JAK1: variants seen among roughly 807,000 people sequenced by gnomAD.
JAK1 encodes the protein Janus kinase 1.
JAK1 carries 16 observed loss-of-function variants against 136.6 expected under a neutral mutation model. The observed-to-expected ratio is 0.12, with a 90% CI of 0.08 to 0.18. The LOEUF is 0.18. Among genes scored for constraint, JAK1 ranks in the 10% least tolerant of loss-of-function variants. The pLI, the probability that JAK1 is intolerant of heterozygous loss-of-function variation, is 1.00. For synonymous variants in JAK1, 492 were observed against 519.5 expected (o/e 0.95, Z 0.72); for missense variants, 859 against 1,450.1 (o/e 0.59, Z 6.62).
intron 1 of JAK1, among the ~76,000 whole-genome samples, chr1:65,060,222 G>A (rs911394511): frequency 2.6e-5 from 4 of 151,000 alleles, no homozygotes; most frequent in East Asian, 1.9e-4. Flanking sequence ...CATCTGCTAC[G>A]TGAACAAAGA....
In JAK1 at chr1:64,937,306, C is replaced by T. The variant is rs549742521; in HGVS notation, c.-78+29027G>A. Among the ~76,000 whole-genome samples, 3 of 152,338 alleles carry T rather than the reference C, an allele frequency of 2.0e-5. No individual in the cohort carries two copies. In the South Asian group the frequency reaches 6.2e-4, roughly 32 times the overall value. On this transcript the variant is annotated intron_variant, in intron 1 of 24. Coordinates refer to ENST00000342505, the MANE Select transcript of JAK1 (RefSeq NM_002227.4). ...AGAGCTCCACAGCATTCTTCTCCTT[C>T]TAGTAGTACTTTTGGTTTCCAGGAA... is the stretch of plus-strand genomic sequence containing the variant.
intron 2 of JAK1, chr1:64,993,586 A>C (rs1166655505): frequency 2.6e-5 from 4 of 152,152 alleles, no homozygotes; most frequent in African/African-American, 9.7e-5. Flanking sequence ...GTAATCCTTG[A>C]TGAAAATACA....
In JAK1 at chr1:65,053,898, T is replaced by C. The variant is rs541514766; in HGVS notation, c.-180-9316A>G. ...TGGTTATTCAGAGAAGCTAGAAATG[T>C]ACTAGGCATAGCAAAATATTTGAAA... On this transcript the variant is annotated intron_variant, in intron 1 of 25. Transcript: ENST00000671954. Among the ~76,000 whole-genome samples, 8 of 152,322 alleles carry C rather than the reference T, an allele frequency of 5.3e-5. No homozygotes were observed. The East Asian group carries it at 1.5e-3, about 29-fold the overall frequency.
chr1:65,013,119 G>A (rs1431928979), intron 2 of JAK1, among the ~76,000 whole-genome samples: 5 of 130,872 alleles, frequency 3.8e-5, no homozygotes, highest in Admixed American at 8.4e-5. Flanking sequence ...AAAAAAGGCC[G>A]GTGCAGTGGC....
At chr1:64,965,051 T>C (rs937274979) in intron 1 of JAK1, among the ~76,000 whole-genome samples, 2 of 152,172 alleles carry the variant, frequency 1.3e-5, no homozygotes, top group Non-Finnish European at 2.9e-5. Context: ...TCAATACGAA[T>C]TGCTCATCTT....
At chr1:64,841,132 T>C (rs1654872467) in intron 19 of JAK1, 113 bp downstream of exon 19, 2 of 788,156 alleles carry the variant, frequency 2.5e-6, no homozygotes, top group Admixed American at 2.3e-5. Context: ...CTTTCGCTCA[T>C]GGACCTGGCC....
chr1:64,910,000 G>C (rs1345330468), intron 1 of JAK1, among the ~76,000 whole-genome samples: 2 of 152,184 alleles, frequency 1.3e-5, no homozygotes, highest in Non-Finnish European at 1.5e-5. Flanking sequence ...TGGTAGACCA[G>C]AGTATATTCT....
At chr1:64,928,809 ACT>A (rs1357947601) in intron 1 of JAK1, among the ~76,000 whole-genome samples, 11 of 143,898 alleles carry the variant, frequency 7.6e-5, no homozygotes, top group Admixed American at 1.4e-4. Flanking sequence ...AAAAAAAAAA[ACT>A]CTGCAAAAAA....
chr1:64,877,693 G>A (rs892206182), intron 4 of JAK1, among the ~76,000 whole-genome samples: 2 of 152,148 alleles, frequency 1.3e-5, no homozygotes, highest in Admixed American at 6.5e-5. Flanking sequence ...TCTAGACTCT[G>A]AGCTGAGTAC....
intron 1 of JAK1, among the ~76,000 whole-genome samples, chr1:64,922,769 A>T (rs1645517186): frequency 6.6e-6 from 1 of 152,176 alleles, no homozygotes; most frequent in Non-Finnish European, 1.5e-5. Context: ...CATGAACACC[A>T]TCTCTAGAGC....
chr1:64,963,684 G>A (rs1357915119), intron 1 of JAK1, among the ~76,000 whole-genome samples: 3 of 152,214 alleles, frequency 2.0e-5, no homozygotes, highest in Non-Finnish European at 4.4e-5. Context: ...AAAACTCTGC[G>A]AGATGACCAG....
intron 17 of JAK1, among the ~76,000 whole-genome samples, chr1:64,843,106 T>C (rs1415002126): frequency 1.3e-5 from 2 of 152,038 alleles, no homozygotes; most frequent in Non-Finnish European, 2.9e-5. Context: ...CCACCCCCAG[T>C]AAAATGTAGG....
At chr1:64,874,299 A>C (rs1657258711) in intron 4 of JAK1, among the ~76,000 whole-genome samples, 2 of 152,120 alleles carry the variant, frequency 1.3e-5, no homozygotes, top group Non-Finnish European at 2.9e-5. Context: ...TTTTTCAATA[A>C]GTATATTGAA....
At chr1:65,062,249 A>C (rs1647824564) in intron 1 of JAK1, among the ~76,000 whole-genome samples, 1 of 152,172 alleles carries the variant, frequency 6.6e-6, no homozygotes, top group Non-Finnish European at 1.5e-5. Context: ...TCCACAGTTA[A>C]TTTACTTTCT....
chr1:64,891,276 C>T (rs1305585027), intron 1 of JAK1, among the ~76,000 whole-genome samples: 1 of 152,176 alleles, frequency 6.6e-6, no homozygotes, highest in Non-Finnish European at 1.5e-5. Flanking sequence ...CACGTGACTA[C>T]TGATTCTAAG....
At chr1:65,028,167 A>G (rs1646993859) in intron 2 of JAK1, among the ~76,000 whole-genome samples, 1 of 151,894 alleles carries the variant, frequency 6.6e-6, no homozygotes, top group Admixed American at 6.6e-5. Context: ...TAATAACTCA[A>G]TGCCTCATCT....
intron 1 of JAK1, among the ~76,000 whole-genome samples, chr1:64,956,206 G>T (rs536110984): frequency 6.6e-6 from 1 of 152,302 alleles, no homozygotes; most frequent in South Asian, 2.1e-4. Flanking sequence ...TTTTCAGACT[G>T]CTGGCCTAGG....
chr1:65,061,125 C>T (rs541389398), intron 1 of JAK1, among the ~76,000 whole-genome samples: 2 of 152,242 alleles, frequency 1.3e-5, no homozygotes, highest in South Asian at 2.1e-4. Context: ...TTTAAAATAA[C>T]GTGGAGTACA....
chr1:65,061,966 G>A (rs963993495), intron 1 of JAK1, among the ~76,000 whole-genome samples: 1 of 151,992 alleles, frequency 6.6e-6, no homozygotes, highest in Non-Finnish European at 1.5e-5. Flanking sequence ...TTAGAGAAGA[G>A]GTGTCATCAT....
Sources: gnomAD v4.1 joint callset for allele counts (sites outside exome capture counted in the v4.1 genomes callset) on GRCh38, gnomAD v4.1.1 for gene constraint, MANE v1.5 for transcripts, NCBI Gene and HGNC (gene_info 2026-07-23, HGNC 2026-07-21) for gene names.